TACR3: variants seen among roughly 807,000 people sequenced by gnomAD.
TACR3 encodes the protein neuromedin-K receptor.
TACR3 carries 34 observed loss-of-function variants against 35.0 expected under a neutral mutation model. The observed-to-expected ratio is 0.97, with a 90% CI of 0.74 to 1.30. TACR3 has a LOEUF of 1.30. Among genes scored for constraint, TACR3 ranks in the 50% most tolerant of loss-of-function variants. The pLI, the probability that TACR3 is intolerant of heterozygous loss-of-function variation, is 0.00. For missense variants in TACR3, 558 were observed against 591.7 expected, an observed-to-expected ratio of 0.94 and a Z score of 0.59; for synonymous variants, 233 against 221.1, an observed-to-expected ratio of 1.05 and a Z score of -0.48.
At chr4:103,688,802 A>C (rs145529246) in intron 1 of TACR3, among the ~76,000 whole-genome samples, 17,499 of 152,142 alleles carry the variant, frequency 0.12, 1,331 homozygotes, top group Non-Finnish European at 0.17. Context: ...CTGTTGGTGG[A>C]ACTGTAAACT....
intron 3 of TACR3, among the ~76,000 whole-genome samples, chr4:103,625,048 C>G (rs1724860339): frequency 6.6e-6 from 1 of 151,958 alleles, no homozygotes; most frequent in African/African-American, 2.4e-5. Flanking sequence ...GCAATTGCCT[C>G]AGAACTGACT....
At chr4:103,630,951 C>T (rs1725043895) in intron 3 of TACR3, among the ~76,000 whole-genome samples, 1 of 152,252 alleles carries the variant, frequency 6.6e-6, no homozygotes. Flanking sequence ...CAATGATAGA[C>T]TGGATTAAGA....
At chr4:103,598,728 T>A (rs1724107052) in intron 3 of TACR3, among the ~76,000 whole-genome samples, 3 of 152,196 alleles carry the variant, frequency 2.0e-5, no homozygotes, top group Admixed American at 6.5e-5. Context: ...CCCCATTTCT[T>A]GTTTTTGTCA....
At chr4:103,618,774 G>A (rs1224833556) in intron 3 of TACR3, among the ~76,000 whole-genome samples, 9 of 151,850 alleles carry the variant, frequency 5.9e-5, no homozygotes, top group African/African-American at 2.2e-4. Context: ...ATTTCTTTCA[G>A]CAGTGTTTTG....
intron 3 of TACR3, among the ~76,000 whole-genome samples, chr4:103,641,558 A>G (rs1031530088): frequency 2.0e-5 from 3 of 152,006 alleles, no homozygotes; most frequent in Non-Finnish European, 2.9e-5. Context: ...TGCGTAAAAC[A>G]GTATGAAGGT....
chr4:103,719,880 T>A lies in TACR3; in HGVS notation c.-205A>T. 1.6e-6 allele frequency: 1 copy of A among 635,060 alleles called. No homozygotes were observed. The highest frequency in any genetic ancestry group is 2.7e-6 in the Non-Finnish European group (1 of 369,372). 39.3% of individuals were successfully genotyped at this position (635,060 alleles called of 1,614,324 possible). On this transcript the variant is annotated 5_prime_UTR_variant, in exon 1 of 5. Transcript: ENST00000304883. The stretch of plus-strand genomic sequence containing the variant: ...ACAGCTGCACTTTCTCAGAGGCGCT[T>A]GCGGCTCTGGCAGGCAGAAAGAATG...
intron 1 of TACR3, among the ~76,000 whole-genome samples, chr4:103,703,511 A>C (rs1285947253): frequency 6.6e-6 from 1 of 152,194 alleles, no homozygotes; most frequent in Non-Finnish European, 1.5e-5. Context: ...CGGACTGTTA[A>C]ATCCATGGTC....
chr4:103,612,554 C>T (rs187123699), intron 3 of TACR3, among the ~76,000 whole-genome samples: 19 of 152,126 alleles, frequency 1.2e-4, no homozygotes, highest in African/African-American at 4.6e-4. Context: ...GCTCTGTCAC[C>T]CAGGCTGGAG....
At chr4:103,616,406 A>G (rs1724663088) in intron 3 of TACR3, among the ~76,000 whole-genome samples, 1 of 152,102 alleles carries the variant, frequency 6.6e-6, no homozygotes, top group Non-Finnish European at 1.5e-5. Flanking sequence ...AAAGAGTAGC[A>G]TGTATATTTA....
rs141583775 is a variant in TACR3, at chr4:103,595,450, C to T, written c.889-3767G>A. On this transcript the variant is annotated intron_variant, in intron 3 of 4. Coordinates refer to ENST00000304883, the MANE Select transcript of TACR3 (RefSeq NM_001059.3). ...TTTTTAGCAGTTAAGAATCTAACTA[C>T]GTAGGCAGGATGGAACTGCATGTCC... Among the ~76,000 whole-genome samples the T allele has an allele frequency of 2.3e-3, 343 of 152,220 alleles. 1 individual carries two copies. Among genetic ancestry groups the T allele is most frequent in the African/African-American group, 7.8e-3 (324 of 41,530 alleles).
At chr4:103,643,210 T>A (rs1415317447) in intron 3 of TACR3, among the ~76,000 whole-genome samples, 1 of 151,910 alleles carries the variant, frequency 6.6e-6, no homozygotes, top group Admixed American at 6.6e-5. Flanking sequence ...CTTATTCATT[T>A]GTTTGTATTA....
intron 3 of TACR3, among the ~76,000 whole-genome samples, chr4:103,621,773 C>T (rs955527597): frequency 1.3e-5 from 2 of 152,090 alleles, no homozygotes; most frequent in Admixed American, 6.5e-5. Flanking sequence ...TACTTTGAAG[C>T]GTCTACTACA....
At chr4:103,605,797 T>G (rs2110294109) in intron 3 of TACR3, among the ~76,000 whole-genome samples, 1 of 152,188 alleles carries the variant, frequency 6.6e-6, no homozygotes, top group South Asian at 2.1e-4. Context: ...TGATGGTAGT[T>G]TCTTTTGCTG....
chr4:103,591,502 C>T lies in TACR3; in HGVS notation c.1070G>A (p.Cys357Tyr). The change falls in exon 4 of 5, where the codon TGC becomes TAC. Residue 357 changes from cysteine to tyrosine, a missense_variant. Physicochemically the swap from Cys to Tyr is radical, Grantham distance 194. Coordinates refer to ENST00000304883, the MANE Select transcript of TACR3 (RefSeq NM_001059.3). ...SSTMYNPIIY[C>Y]CLNKRFRAGF... ...TTGTTTTTACCTTTTATTCAGACAG[C>T]AGTAGATGATGGGATTGTACATGGT... 1 of 1,613,782 alleles carries T rather than the reference C, an allele frequency of 6.2e-7. No individual in the cohort carries two copies. Among genetic ancestry groups the T allele is most frequent in the East Asian group, 2.2e-5 (1 of 44,860 alleles).
intron 1 of TACR3, among the ~76,000 whole-genome samples, chr4:103,708,202 CCTT>C (rs986158425): frequency 6.6e-6 from 1 of 152,186 alleles, no homozygotes; most frequent in Non-Finnish European, 1.5e-5. Flanking sequence ...CAGACTGCCT[CCTT>C]AAGTGGGTCC....
At chr4:103,640,446 G>A (rs1725329970) in intron 3 of TACR3, among the ~76,000 whole-genome samples, 1 of 151,614 alleles carries the variant, frequency 6.6e-6, no homozygotes, top group African/African-American at 2.4e-5. Context: ...TCACATATTT[G>A]TTGGCCATTT....
chr4:103,651,177 G>A (rs994016359), intron 3 of TACR3, among the ~76,000 whole-genome samples: 2 of 150,590 alleles, frequency 1.3e-5, no homozygotes, highest in Admixed American at 6.7e-5. Context: ...GAGGTGTTCT[G>A]GTGGGTCCAG....
intron 1 of TACR3, among the ~76,000 whole-genome samples, chr4:103,668,493 G>A (rs1725978860): frequency 6.6e-6 from 1 of 151,946 alleles, no homozygotes. Flanking sequence ...AATTTTTGTT[G>A]GTATGTAAGA....
At chr4:103,615,165 G>A (rs1284895837) in intron 3 of TACR3, among the ~76,000 whole-genome samples, 2 of 151,910 alleles carry the variant, frequency 1.3e-5, no homozygotes, top group African/African-American at 4.8e-5. Flanking sequence ...CAAAGTGCTG[G>A]GATTACAGGC....
Sources: allele counts gnomAD v4.1 joint callset (sites outside exome capture counted in the v4.1 genomes callset), GRCh38; gene constraint gnomAD v4.1.1; transcripts MANE v1.5; gene names NCBI Gene and HGNC (gene_info 2026-07-23, HGNC 2026-07-21).